The following KLHL29 variants were observed in gnomAD, a reference collection of about 807,000 sequenced individuals.
The protein encoded by KLHL29 is kelch like family member 29, also known as kelch-like protein 29.
In KLHL29, 21 loss-of-function variants were observed where a neutral mutation model predicts 80.4. The ratio of observed to expected loss-of-function variants is 0.26; its 90% CI spans 0.19 to 0.38. The LOEUF is 0.38. KLHL29 is among the 10% of genes least tolerant of loss of function. KLHL29 has a pLI of 1.00. For missense variants in KLHL29, 867 were observed against 1,223.9 expected, an observed-to-expected ratio of 0.71 and a Z score of 4.35; for synonymous variants, 511 against 526.8, an observed-to-expected ratio of 0.97 and a Z score of 0.41.
chr2:23,605,603 A>G (rs900231583), intron 3 of KLHL29, among the ~76,000 whole-genome samples: 3 of 152,108 alleles, frequency 2.0e-5, no homozygotes, highest in Non-Finnish European at 4.4e-5. Flanking sequence ...TTTTCAGAAC[A>G]TGTAACTCCT....
chr2:23,616,096 T>TCTG (rs1403499510), intron 3 of KLHL29, among the ~76,000 whole-genome samples: 1 of 152,188 alleles, frequency 6.6e-6, no homozygotes, highest in Non-Finnish European at 1.5e-5. Context: ...GGTGGACCTC[T>TCTG]CTGCTATTGG....
At chr2:23,539,583 A>G (rs985596667) in intron 2 of KLHL29, among the ~76,000 whole-genome samples, 2 of 151,852 alleles carry the variant, frequency 1.3e-5, no homozygotes, top group Admixed American at 6.6e-5. Context: ...CTGGGACTAC[A>G]GGTGCGCACC....
chr2:23,466,944 G>A (rs556023627), intron 1 of KLHL29, among the ~76,000 whole-genome samples: 4 of 152,256 alleles, frequency 2.6e-5, no homozygotes, highest in African/African-American at 9.6e-5. Flanking sequence ...AAGATCTTGG[G>A]TGAAAGAAAG....
chr2:23,386,041 C>T (rs1168524248), intron 1 of KLHL29, among the ~76,000 whole-genome samples: 1 of 152,104 alleles, frequency 6.6e-6, no homozygotes, highest in Non-Finnish European at 1.5e-5. Context: ...GTGTATGCAC[C>T]GGGGCTGCCT....
chr2:23,484,679 ATTTAT>A (rs1664882617), intron 2 of KLHL29, among the ~76,000 whole-genome samples: 1 of 152,148 alleles, frequency 6.6e-6, no homozygotes, highest in Non-Finnish European at 1.5e-5. Flanking sequence ...CAGTGTGATT[ATTTAT>A]TTAGCACCAG....
At chr2:23,581,698 C>T (rs921031327) in intron 3 of KLHL29, among the ~76,000 whole-genome samples, 10 of 151,760 alleles carry the variant, frequency 6.6e-5, no homozygotes, top group Admixed American at 4.6e-4. Context: ...CGTGGTAGTG[C>T]GTACCTGTAA....
At chr2:23,599,151 C>G (rs371032780) in intron 3 of KLHL29, among the ~76,000 whole-genome samples, 1 of 152,352 alleles carries the variant, frequency 6.6e-6, no homozygotes, top group African/African-American at 2.4e-5. Flanking sequence ...AAATGCATGT[C>G]CCGCAGAATC....
intron 2 of KLHL29, among the ~76,000 whole-genome samples, chr2:23,558,732 C>T (rs978931096): frequency 4.6e-5 from 7 of 152,242 alleles, no homozygotes; most frequent in African/African-American, 4.8e-5. Flanking sequence ...TACTCCAGCA[C>T]CTACGTGGAA....
intron 1 of KLHL29, among the ~76,000 whole-genome samples, chr2:23,470,105 G>A (rs1022946859): frequency 6.6e-6 from 1 of 151,856 alleles, no homozygotes; most frequent in Non-Finnish European, 1.5e-5. Context: ...GTCATGTCAT[G>A]GCATAACTTA....
intron 3 of KLHL29, among the ~76,000 whole-genome samples, chr2:23,597,309 A>ATATATGTGTGTG (rs1558402682): frequency 9.9e-6 from 1 of 100,522 alleles, no homozygotes; most frequent in African/African-American, 4.1e-5. Flanking sequence ...ATATATATAT[A>ATATATGTGTGTG]TGTGTGTGTG....
chr2:23,601,855 C>G (rs1231924753), intron 3 of KLHL29, among the ~76,000 whole-genome samples: 1 of 152,212 alleles, frequency 6.6e-6, no homozygotes, highest in Non-Finnish European at 1.5e-5. Context: ...AGCCTTTGCA[C>G]AGGGCCGTGC....
Position 23,385,794 on chromosome 2 carries a change from C to T in KLHL29, c.-154+14C>T, listed in dbSNP as rs1156454727. 6.5e-6 allele frequency: 1 copy of T among 153,354 alleles called. No individual in the cohort carries two copies. The highest frequency in any genetic ancestry group is 2.4e-5 in the African/African-American group (1 of 41,362). The allele number at this position is 153,354 out of a possible 1,614,324, so 9.5% of individuals were successfully genotyped here. A position where few individuals can be genotyped will look rare whatever the true frequency, so the allele number is the denominator to read the frequency against. ...CGCGCGCCGGAGGTAAGAGCCGGGC[C>T]GGGCTGGAGCGCCTCGGATGCGGCG... On this transcript the variant is annotated intron_variant, in intron 1 of 13. Transcript: ENST00000486442.
At chr2:23,398,541 T>A (rs2577753) in intron 1 of KLHL29, among the ~76,000 whole-genome samples, 3,991 of 152,318 alleles carry the variant, frequency 0.026, 46 homozygotes, top group Middle Eastern at 0.034. Context: ...TGGAGAAGGT[T>A]GCAAAACAAT....
chr2:23,431,901 C>CAAA (rs11357606), intron 1 of KLHL29, among the ~76,000 whole-genome samples: 48 of 67,846 alleles, frequency 7.1e-4, no homozygotes, highest in Admixed American at 1.2e-3. Flanking sequence ...GACTCCATCT[C>CAAA]AAAAAAAAAA....
Position 23,520,997 on chromosome 2 carries a change from C to A in KLHL29, c.-45-41155C>A, listed in dbSNP as rs1026182600. Reference sequence around the variant, plus strand: ...GCTTTCATTTTACAAAGACCACCCCCCCCCCCGCTCCCCCTCAGGGGTGTT... The same window carrying A: ...GCTTTCATTTTACAAAGACCACCCCACCCCCCGCTCCCCCTCAGGGGTGTT... On this transcript the variant is annotated intron_variant, in intron 2 of 13. Transcript: ENST00000486442. 3.5e-4 allele frequency among the ~76,000 whole-genome samples: 53 copies of A among 151,122 alleles called. 1 individual carries two copies. Among genetic ancestry groups the A allele is most frequent in the Non-Finnish European group, 4.3e-4 (29 of 68,006 alleles).
intron 3 of KLHL29, among the ~76,000 whole-genome samples, chr2:23,633,791 G>GTGTGTGTA (rs1410540447): frequency 6.6e-6 from 1 of 151,878 alleles, no homozygotes; most frequent in Non-Finnish European, 1.5e-5. Context: ...GTGTGTGTGT[G>GTGTGTGTA]TTTAATTTGA....
intron 1 of KLHL29, among the ~76,000 whole-genome samples, chr2:23,451,319 AG>A (rs1430343733): frequency 6.6e-6 from 1 of 152,232 alleles, no homozygotes; most frequent in Non-Finnish European, 1.5e-5. Flanking sequence ...GTAGGGACCC[AG>A]GGAATGTGAG....
intron 3 of KLHL29, among the ~76,000 whole-genome samples, chr2:23,627,141 C>A (rs186744512): frequency 3.9e-4 from 60 of 152,334 alleles, no homozygotes; most frequent in African/African-American, 1.3e-3. Flanking sequence ...TGCTTAAGAT[C>A]TCTCCGCTGT....
intron 3 of KLHL29, among the ~76,000 whole-genome samples, chr2:23,610,936 T>G (rs1558407730): frequency 6.6e-6 from 1 of 152,204 alleles, no homozygotes; most frequent in Non-Finnish European, 1.5e-5. Flanking sequence ...TTGGTTAGAG[T>G]AATAAGCAAG....
Sources: gnomAD v4.1 joint callset for allele counts (sites outside exome capture counted in the v4.1 genomes callset) on GRCh38, gnomAD v4.1.1 for gene constraint, MANE v1.5 for transcripts, NCBI Gene and HGNC (gene_info 2026-07-23, HGNC 2026-07-21) for gene names.